LRRC7: variants seen among roughly 807,000 people sequenced by gnomAD.
The protein encoded by LRRC7 is leucine-rich repeat-containing protein 7.
A neutral mutation model predicts 175.7 loss-of-function variants in LRRC7; 23 were observed. The observed-to-expected ratio is 0.13, with a 90% CI of 0.09 to 0.19. The LOEUF (loss-of-function observed/expected upper bound fraction) is 0.19, where lower values mean the gene tolerates loss of function less well. LRRC7 is among the 10% of genes least tolerant of loss of function. The probability of loss-of-function intolerance (pLI) is 1.00; values close to 1 mark genes in which losing one functional copy is unlikely to be tolerated. For synonymous variants in LRRC7, 685 were observed against 680.9 expected (o/e 1.01, Z -0.09); for missense variants, 1,354 against 1,904.7 (o/e 0.71, Z 5.38).
intron 22 of LRRC7, among the ~76,000 whole-genome samples, chr1:70,051,403 T>C (rs1283554830): frequency 6.6e-6 from 1 of 152,042 alleles, no homozygotes; most frequent in East Asian, 1.9e-4. Flanking sequence ...AATTATGTTT[T>C]AACTCTTAAT....
At chr1:69,914,128 G>A (rs1036317734) in intron 7 of LRRC7, among the ~76,000 whole-genome samples, 5 of 152,124 alleles carry the variant, frequency 3.3e-5, no homozygotes, top group Non-Finnish European at 7.3e-5. Context: ...CCAGTAATTG[G>A]AAAGAGTGAG....
intron 1 of LRRC7, among the ~76,000 whole-genome samples, chr1:69,595,761 CA>C (rs1009326190): frequency 1.3e-5 from 2 of 152,066 alleles, no homozygotes; most frequent in Non-Finnish European, 2.9e-5. Flanking sequence ...GATGGCACTT[CA>C]ATAATATATT....
chr1:69,802,142 G>A (rs1372329026), intron 4 of LRRC7, among the ~76,000 whole-genome samples: 3 of 151,146 alleles, frequency 2.0e-5, no homozygotes, highest in Non-Finnish European at 1.5e-5. Flanking sequence ...CTGTCATATG[G>A]TCTATCTATA....
intron 2 of LRRC7, among the ~76,000 whole-genome samples, chr1:69,698,620 C>T (rs1245520946): frequency 6.6e-6 from 1 of 152,206 alleles, no homozygotes; most frequent in African/African-American, 2.4e-5. Flanking sequence ...ATGGCATTCT[C>T]CTTCTATTCT....
Position 70,143,509 on chromosome 1 carries a change from C to T in LRRC7, c.*21622C>T, listed in dbSNP as rs1365119651. On this transcript the variant is annotated 3_prime_UTR_variant, in exon 27 of 27. Coordinates refer to ENST00000651989, the MANE Select transcript of LRRC7 (RefSeq NM_001370785.2). Reference sequence around the variant, plus strand: ...CATTTCACTGCATAGTTTATTGACACTACCCTTGTAAAGCTTTTATGGAAG... The same window carrying T: ...CATTTCACTGCATAGTTTATTGACATTACCCTTGTAAAGCTTTTATGGAAG... The T allele has an allele frequency of 1.3e-5, 2 of 152,120 alleles. No homozygotes were observed. The highest frequency in any genetic ancestry group is 4.8e-5 in the African/African-American group (2 of 41,422). The allele number at this position is 152,120 out of a possible 1,614,324, so 9.4% of individuals were successfully genotyped here.
intron 7 of LRRC7, among the ~76,000 whole-genome samples, chr1:69,892,546 A>G (rs893743824): frequency 6.6e-6 from 1 of 152,210 alleles, no homozygotes; most frequent in African/African-American, 2.4e-5. Context: ...ATGAAATCGT[A>G]TGAATTACGA....
chr1:69,594,326 T>G (rs1005537022), intron 1 of LRRC7, among the ~76,000 whole-genome samples: 1 of 152,212 alleles, frequency 6.6e-6, no homozygotes, highest in Non-Finnish European at 1.5e-5. Context: ...CGTTATGACT[T>G]TTTATATGTA....
intron 4 of LRRC7, among the ~76,000 whole-genome samples, chr1:69,819,794 TA>T (rs1679054356): frequency 6.6e-6 from 1 of 152,188 alleles, no homozygotes; most frequent in Non-Finnish European, 1.5e-5. Flanking sequence ...TATCATTATA[TA>T]ATTACCCTCT....
intron 4 of LRRC7, among the ~76,000 whole-genome samples, chr1:69,809,295 C>T (rs11485650): frequency 3.2e-4 from 48 of 151,946 alleles, no homozygotes; most frequent in African/African-American, 1.0e-3. Context: ...GCCTATCAAC[C>T]GAAAAAAGTC....
intron 25 of LRRC7, among the ~76,000 whole-genome samples, chr1:70,099,054 T>C (rs1316038915): frequency 6.6e-6 from 1 of 150,618 alleles, no homozygotes; most frequent in Non-Finnish European, 1.5e-5. Context: ...TTGATGAACA[T>C]TGATGCAAAA....
chr1:69,844,231 TAAC>T (rs1408963932), intron 7 of LRRC7, among the ~76,000 whole-genome samples: 1 of 152,156 alleles, frequency 6.6e-6, no homozygotes, highest in Non-Finnish European at 1.5e-5. Context: ...TCTACCCTCT[TAAC>T]AAACTTTTAA....
intron 1 of LRRC7, among the ~76,000 whole-genome samples, chr1:69,650,618 A>AT (rs553221416): frequency 2.0e-5 from 3 of 151,318 alleles, no homozygotes; most frequent in Non-Finnish European, 4.4e-5. Flanking sequence ...GCAAATATTC[A>AT]TTAAGCATGC....
intron 4 of LRRC7, among the ~76,000 whole-genome samples, chr1:69,822,375 G>T (rs1377650129): frequency 2.0e-5 from 3 of 152,196 alleles, no homozygotes; most frequent in Admixed American, 6.5e-5. Flanking sequence ...AAAACACAAC[G>T]TGTTGGGAGG....
intron 7 of LRRC7, among the ~76,000 whole-genome samples, chr1:69,891,449 T>C (rs1043596168): frequency 1.3e-5 from 2 of 152,166 alleles, no homozygotes. Flanking sequence ...CACTGATCAT[T>C]GGCTGGGCAT....
intron 7 of LRRC7, among the ~76,000 whole-genome samples, chr1:69,872,935 C>T (rs1012913006): frequency 6.6e-6 from 1 of 152,082 alleles, no homozygotes; most frequent in African/African-American, 2.4e-5. Flanking sequence ...ATGATTTGAG[C>T]TGCTATACTG....
intron 7 of LRRC7, chr1:69,919,352 GA>G: frequency 1.7e-6 from 1 of 604,422 alleles, no homozygotes; most frequent in Non-Finnish European, 3.0e-6. Context: ...GCGTGAGGAG[GA>G]AAGATGGCGG....
chr1:69,575,923 C>T (rs554964882), intron 1 of LRRC7, among the ~76,000 whole-genome samples: 1 of 152,222 alleles, frequency 6.6e-6, no homozygotes, highest in African/African-American at 2.4e-5. Context: ...AAAACAGACT[C>T]ATTTCTGAGA....
At chr1:69,946,310 T>C (rs905084660) in intron 8 of LRRC7, among the ~76,000 whole-genome samples, 3 of 152,180 alleles carry the variant, frequency 2.0e-5, no homozygotes, top group African/African-American at 7.2e-5. Context: ...ATCCCTTTAT[T>C]CCAGAGATAA....
intron 1 of LRRC7, among the ~76,000 whole-genome samples, chr1:69,642,858 T>A (rs1245489750): frequency 3.4e-5 from 3 of 87,456 alleles, no homozygotes; most frequent in African/African-American, 8.7e-5. Flanking sequence ...ATAGATAGAT[T>A]ATACGATTGA....
Sources: gnomAD v4.1 joint callset for allele counts (sites outside exome capture counted in the v4.1 genomes callset) on GRCh38, gnomAD v4.1.1 for gene constraint, MANE v1.5 for transcripts, NCBI Gene and HGNC (gene_info 2026-07-23, HGNC 2026-07-21) for gene names.